The following ZMAT1 variants were observed in gnomAD, a reference collection of about 807,000 sequenced individuals.
The protein encoded by ZMAT1 is zinc finger matrin-type 1, also known as zinc finger matrin-type protein 1.
A neutral mutation model predicts 18.5 loss-of-function variants in ZMAT1; 11 were observed. That is an observed-to-expected ratio of 0.59 (90% CI 0.37 to 0.98). The LOEUF is 0.98. Among genes scored for constraint, ZMAT1 ranks in the 50% least tolerant of loss-of-function variants. The pLI is 0.01. For synonymous variants in ZMAT1, 211 were observed against 176.4 expected, an observed-to-expected ratio of 1.20 and a Z score of -1.55; for missense variants, 525 against 496.2, an observed-to-expected ratio of 1.06 and a Z score of -0.55.
chrX:101,924,749 A>C (rs1929952526), intron 1 of ZMAT1, among the ~76,000 whole-genome samples: 2 of 112,229 alleles, frequency 1.8e-5, no homozygotes, highest in African/African-American at 6.5e-5. Context: ...CTTTGTGGTA[A>C]TAAGAAACTA....
chrX:101,927,698 T>C (rs1003481113), intron 1 of ZMAT1, among the ~76,000 whole-genome samples: 2 of 112,081 alleles, frequency 1.8e-5, no homozygotes, highest in African/African-American at 6.5e-5. Flanking sequence ...TGTAAATCCA[T>C]TAACACACCT....
At chrX:101,926,634 G>A (rs868069663) in intron 1 of ZMAT1, among the ~76,000 whole-genome samples, 1 of 111,872 alleles carries the variant, frequency 8.9e-6, no homozygotes, top group South Asian at 3.7e-4. Context: ...CTTCAGTTCC[G>A]GGCAAGAGAA....
intron 4 of ZMAT1, chrX:101,889,152 A>T (rs1927187171): frequency 1.8e-5 from 2 of 111,793 alleles, no homozygotes; most frequent in Non-Finnish European, 3.8e-5. Context: ...CAGACATCTC[A>T]GAAAATGATA....
At chrX:101,903,531 T>C (rs1271176542) in intron 2 of ZMAT1, among the ~76,000 whole-genome samples, 2 of 111,843 alleles carry the variant, frequency 1.8e-5, no homozygotes, top group Admixed American at 1.9e-4. Context: ...TGAATGTATC[T>C]AGTATTTTTG....
intron 1 of ZMAT1, among the ~76,000 whole-genome samples, chrX:101,910,482 G>C (rs1235548664): frequency 8.9e-6 from 1 of 112,712 alleles, no homozygotes; most frequent in Non-Finnish European, 1.9e-5. Context: ...CTTTCACAGA[G>C]AGAATTCAAA....
rs895746763 is a variant in ZMAT1 at position 101,931,795 on chromosome X, AGCCGCC to A, written c.208_213del (p.Gly70_Gly71del). On this transcript the variant is annotated inframe_deletion, in exon 1 of 6. Coordinates refer to ENST00000651725, the MANE Select transcript of ZMAT1 (RefSeq NM_001394560.1). ...GCCGCCGCCATAGTGGAGCCGCCAA[AGCCGCC>A]GCCGCCGCCGTCGCCACAGCCACCG... 3.2e-5 allele frequency: 25 copies of A among 780,471 alleles called. No homozygotes were observed. The South Asian group carries it at 3.7e-4, about 11-fold the overall frequency. 64.3% of individuals were successfully genotyped at this position (780,471 alleles called of 1,213,427 possible). A position where few individuals can be genotyped will look rare whatever the true frequency, so the allele number is the denominator to read the frequency against.
intron 1 of ZMAT1, among the ~76,000 whole-genome samples, chrX:101,921,457 A>AGGG (rs748692607): frequency 1.8e-5 from 2 of 112,187 alleles, no homozygotes; most frequent in African/African-American, 6.5e-5. Flanking sequence ...CCAGTATGTC[A>AGGG]TAATTTCTAA....
intron 1 of ZMAT1, among the ~76,000 whole-genome samples, chrX:101,916,887 C>A (rs1383642253): frequency 8.9e-6 from 1 of 111,845 alleles, no homozygotes; most frequent in Admixed American, 9.5e-5. Flanking sequence ...AACAAATCCA[C>A]ACACCTACAG....
chrX:101,921,298 TTTTG>T (rs1398853640), intron 1 of ZMAT1, among the ~76,000 whole-genome samples: 3 of 112,046 alleles, frequency 2.7e-5, no homozygotes, highest in African/African-American at 9.7e-5. Context: ...TTATTATTTG[TTTTG>T]TTTCTTAAAG....
At chrX:101,895,859 C>T in intron 4 of ZMAT1, 1 of 753,045 alleles carries the variant, frequency 1.3e-6, no homozygotes, top group Non-Finnish European at 1.6e-6. Flanking sequence ...GTTGACTCTG[C>T]AGAAGTAGTA....
At chrX:101,902,206 T>C (rs1928284743) in intron 2 of ZMAT1, among the ~76,000 whole-genome samples, 1 of 111,998 alleles carries the variant, frequency 8.9e-6, no homozygotes, top group South Asian at 3.7e-4. Flanking sequence ...TTATTTTAAC[T>C]TGCATGTCCT....
intron 4 of ZMAT1, among the ~76,000 whole-genome samples, chrX:101,891,647 G>C (rs777255188): frequency 2.7e-5 from 3 of 111,177 alleles, no homozygotes; most frequent in South Asian, 3.8e-4. Flanking sequence ...AAAGATGGTA[G>C]AGAAAGATGA....
intron 1 of ZMAT1, among the ~76,000 whole-genome samples, chrX:101,923,087 A>G (rs1467747689): frequency 8.9e-6 from 1 of 112,114 alleles, no homozygotes; most frequent in African/African-American, 3.2e-5. Context: ...TAGAAATGGG[A>G]ACCAAGGGAT....
chrX:101,890,254 A>G (rs1053380869), intron 4 of ZMAT1: 1 of 112,269 alleles, frequency 8.9e-6, no homozygotes, highest in African/African-American at 3.2e-5. Flanking sequence ...AGGATACTGC[A>G]GAATAAAATA....
At chrX:101,926,824 G>A (rs1265507175) in intron 1 of ZMAT1, among the ~76,000 whole-genome samples, 1 of 112,293 alleles carries the variant, frequency 8.9e-6, no homozygotes, top group Non-Finnish European at 1.9e-5. Context: ...AGGATAACCC[G>A]TCAGATGTTT....
chrX:101,912,858 T>C (rs1468857640), intron 1 of ZMAT1, among the ~76,000 whole-genome samples: 9 of 112,172 alleles, frequency 8.0e-5, no homozygotes. Flanking sequence ...GTAAAGCTGC[T>C]TCCATAGAGT....
chrX:101,914,639 T>C (rs1266772214), intron 1 of ZMAT1, among the ~76,000 whole-genome samples: 1 of 111,045 alleles, frequency 9.0e-6, no homozygotes, highest in African/African-American at 3.3e-5. Flanking sequence ...CTTACTGAAA[T>C]TGAACCAGGA....
At chrX:101,929,421 GATTAT>G (rs1307983036) in intron 1 of ZMAT1, among the ~76,000 whole-genome samples, 9 of 30,880 alleles carry the variant, frequency 2.9e-4, no homozygotes, top group Non-Finnish European at 6.0e-5. Context: ...TATAGAGAGA[GATTAT>G]ATATATATAT....
At chrX:101,929,428 T>G (rs1602357938) in intron 1 of ZMAT1, among the ~76,000 whole-genome samples, 1 of 16,025 alleles carries the variant, frequency 6.2e-5, no homozygotes, top group African/African-American at 9.3e-4. Flanking sequence ...AGAGATTATA[T>G]ATATATATAT....
Sources: allele counts gnomAD v4.1 joint callset (sites outside exome capture counted in the v4.1 genomes callset), GRCh38; gene constraint gnomAD v4.1.1; transcripts MANE v1.5; gene names NCBI Gene and HGNC (gene_info 2026-07-23, HGNC 2026-07-21).